ATP2B1: variants seen among roughly 807,000 people sequenced by gnomAD.
ATP2B1 encodes the protein ATPase plasma membrane Ca2+ transporting 1.
Under a neutral mutation model 124.2 loss-of-function variants are expected in ATP2B1, and 14 were observed. That is an observed-to-expected ratio of 0.11 (90% CI 0.07 to 0.18). ATP2B1 has a LOEUF of 0.18. Ranked by LOEUF, ATP2B1 falls within the 10% of genes least tolerant of loss-of-function variation. The pLI, the probability that ATP2B1 is intolerant of heterozygous loss-of-function variation, is 1.00. For missense variants in ATP2B1, 763 were observed against 1,466.1 expected, an observed-to-expected ratio of 0.52 and a Z score of 7.83; for synonymous variants, 449 against 492.4, an observed-to-expected ratio of 0.91 and a Z score of 1.17.
At chr12:89,634,355 A>C (rs1882358726) in intron 5 of ATP2B1, among the ~76,000 whole-genome samples, 1 of 152,224 alleles carries the variant, frequency 6.6e-6, no homozygotes, top group Admixed American at 6.5e-5. Flanking sequence ...AAGAAAAAAC[A>C]ACCTGTCCTT....
chr12:89,609,366 C>T (rs1432602475), intron 15 of ATP2B1, among the ~76,000 whole-genome samples: 2 of 152,060 alleles, frequency 1.3e-5, no homozygotes, highest in Non-Finnish European at 2.9e-5. Context: ...TTTCAGTTTC[C>T]TGATAGTTCT....
chr12:89,606,544 A>T lies in ATP2B1; in HGVS notation c.2443-2198T>A, dbSNP rs972915134. The stretch of plus-strand genomic sequence containing the variant: ...TTAGAATCTTAGTCTCCAGCTCCCA[A>T]TGTGAATATTTTACTTTTAATGTCC... On this transcript the variant is annotated intron_variant, in intron 15 of 20. Transcript: ENST00000428670. Among the ~76,000 whole-genome samples the T allele has an allele frequency of 2.0e-5, 3 of 150,180 alleles. No individual in the cohort carries two copies. The Admixed American group carries it at 2.0e-4, about 10-fold the overall frequency.
intron 1 of ATP2B1, among the ~76,000 whole-genome samples, chr12:89,670,392 T>TTCA (rs1887804247): frequency 6.6e-6 from 1 of 152,114 alleles, no homozygotes; most frequent in Non-Finnish European, 1.5e-5. Flanking sequence ...TTTCAATTGT[T>TTCA]ACGCATTCTG....
Position 89,601,116 on chromosome 12 carries a change from A to G in ATP2B1, c.3168+210T>C, listed in dbSNP as rs11105339. 7.6e-3 allele frequency among the ~76,000 whole-genome samples: 1,157 copies of G among 152,300 alleles called. 16 individuals carry two copies. Among genetic ancestry groups the G allele is most frequent in the African/African-American group, 0.027 (1,104 of 41,558 alleles). On this transcript the variant is annotated intron_variant, in intron 19 of 20. Coordinates refer to ENST00000428670, the MANE Select transcript of ATP2B1 (RefSeq NM_001366521.1). ...TTAAAAAAACACATAAAAAGTTAGGATAGTATTTTATAGTACAGGCATAAT... is the reference window on the plus strand; with the variant it reads ...TTAAAAAAACACATAAAAAGTTAGGGTAGTATTTTATAGTACAGGCATAAT...
At chr12:89,669,927 G>A (rs376600794) in intron 1 of ATP2B1, among the ~76,000 whole-genome samples, 5 of 152,104 alleles carry the variant, frequency 3.3e-5, no homozygotes, top group Admixed American at 2.6e-4. Context: ...GAGGTATTAC[G>A]TATCTATAAT....
chr12:89,690,946 A>G (rs565428722), intron 1 of ATP2B1, among the ~76,000 whole-genome samples: 7 of 152,190 alleles, frequency 4.6e-5, no homozygotes, highest in Non-Finnish European at 1.0e-4. Context: ...TACATTTTCC[A>G]TCAATCTTTG....
chr12:89,639,587 T>TA (rs926562705), intron 3 of ATP2B1, among the ~76,000 whole-genome samples: 3 of 149,656 alleles, frequency 2.0e-5, no homozygotes, highest in African/African-American at 7.3e-5. Context: ...ATAATAAAAA[T>TA]AAAAAATAAA....
At chr12:89,677,610 A>T (rs1888766400) in intron 1 of ATP2B1, among the ~76,000 whole-genome samples, 1 of 152,104 alleles carries the variant, frequency 6.6e-6, no homozygotes, top group Non-Finnish European at 1.5e-5. Flanking sequence ...GTAACATTAT[A>T]CTACTACTTA....
intron 1 of ATP2B1, among the ~76,000 whole-genome samples, chr12:89,686,830 T>C (rs547052728): frequency 6.6e-6 from 1 of 152,222 alleles, no homozygotes; most frequent in South Asian, 2.1e-4. Context: ...GTTATTACAG[T>C]GGCCACATAC....
At chr12:89,614,414 C>T (rs1467409093) in intron 12 of ATP2B1, among the ~76,000 whole-genome samples, 1 of 152,138 alleles carries the variant, frequency 6.6e-6, no homozygotes, top group Non-Finnish European at 1.5e-5. Flanking sequence ...GCAAACATTA[C>T]CCACCTGGCT....
intron 1 of ATP2B1, among the ~76,000 whole-genome samples, chr12:89,665,230 G>A (rs992320755): frequency 6.6e-6 from 1 of 152,070 alleles, no homozygotes; most frequent in Non-Finnish European, 1.5e-5. Flanking sequence ...TTAGTACCAA[G>A]TATACTAATA....
intron 13 of ATP2B1, chr12:89,610,848 A>T (rs1877877237): frequency 2.9e-6 from 1 of 340,618 alleles, no homozygotes; most frequent in Admixed American, 4.4e-5. Context: ...TTAGCATAAG[A>T]AGTTCAGAGA....
Position 89,628,779 on chromosome 12 carries a change from T to C in ATP2B1, c.929-1063A>G, listed in dbSNP as rs958835124. Among the ~76,000 whole-genome samples, 4 of 152,094 alleles carry C rather than the reference T, an allele frequency of 2.6e-5. No homozygotes were observed. In the East Asian group the frequency reaches 5.8e-4, roughly 22 times the overall value. ...TGGAACAAACATGGTCAAGAAGGAA[T>C]AGAAGCTCAAGATTGATGAGGAGAT... On this transcript the variant is annotated intron_variant, in intron 6 of 20. Coordinates refer to ENST00000428670, the MANE Select transcript of ATP2B1 (RefSeq NM_001366521.1).
intron 9 of ATP2B1, 101 bp downstream of exon 9, chr12:89,624,082 T>C: frequency 1.0e-6 from 1 of 1,002,058 alleles, no homozygotes; most frequent in Non-Finnish European, 1.5e-6. Flanking sequence ...TATATGAAAG[T>C]CCTCACTTTC....
chr12:89,643,286 TATATAG>T (rs1387888922), intron 2 of ATP2B1, among the ~76,000 whole-genome samples: 2 of 151,824 alleles, frequency 1.3e-5, no homozygotes, highest in Non-Finnish European at 2.9e-5. Flanking sequence ...TTGGTTCAGT[TATATAG>T]ATATAGATAC....
At chr12:89,596,195 T>C (rs1229334786) in intron 20 of ATP2B1, among the ~76,000 whole-genome samples, 1 of 152,076 alleles carries the variant, frequency 6.6e-6, no homozygotes, top group Non-Finnish European at 1.5e-5. Context: ...AAAAAAACAA[T>C]TATTTAAATA....
chr12:89,631,054 G>A (rs1027452971), intron 5 of ATP2B1, among the ~76,000 whole-genome samples: 5 of 151,988 alleles, frequency 3.3e-5, no homozygotes, highest in Non-Finnish European at 7.4e-5. Context: ...TTACAGATGT[G>A]AGCCACCATG....
intron 1 of ATP2B1, among the ~76,000 whole-genome samples, chr12:89,670,837 A>G (rs1887874294): frequency 6.6e-6 from 1 of 152,034 alleles, no homozygotes; most frequent in South Asian, 2.1e-4. Context: ...TCTAAATGTA[A>G]AGAGAAAAGG....
chr12:89,707,995 G>A (rs1328122559), intron 1 of ATP2B1, among the ~76,000 whole-genome samples: 1 of 152,216 alleles, frequency 6.6e-6, no homozygotes, highest in African/African-American at 2.4e-5. Context: ...ATCCTGGGGG[G>A]CCAGACGGAA....
Sources: allele counts gnomAD v4.1 joint callset (sites outside exome capture counted in the v4.1 genomes callset), GRCh38; gene constraint gnomAD v4.1.1; transcripts MANE v1.5; gene names NCBI Gene and HGNC (gene_info 2026-07-23, HGNC 2026-07-21).